Variants in FTO observed in about 807,000 individuals in gnomAD.
FTO encodes alpha-ketoglutarate-dependent dioxygenase FTO.
Under a neutral mutation model 63.9 loss-of-function variants are expected in FTO, and 47 were observed. That is an observed-to-expected ratio of 0.74 (90% CI 0.58 to 0.94). The LOEUF is 0.94. FTO is among the 40% of genes least tolerant of loss of function. The probability of loss-of-function intolerance (pLI) is 0.00; values close to 1 mark genes in which losing one functional copy is unlikely to be tolerated. For synonymous variants in FTO, 207 were observed against 224.4 expected, an observed-to-expected ratio of 0.92 and a Z score of 0.69; for missense variants, 562 against 618.1, an observed-to-expected ratio of 0.91 and a Z score of 0.96.
intron 5 of FTO, among the ~76,000 whole-genome samples, chr16:53,875,752 T>C (rs1249728836): frequency 1.3e-5 from 2 of 152,246 alleles, no homozygotes; most frequent in Admixed American, 6.5e-5. Context: ...GGTATTCTTG[T>C]AGGGACTTGT....
At chr16:53,778,754 A>T (rs1283476830) in intron 1 of FTO, among the ~76,000 whole-genome samples, 1 of 152,012 alleles carries the variant, frequency 6.6e-6, no homozygotes, top group Non-Finnish European at 1.5e-5. Context: ...CAGGGTCGGA[A>T]TTCCTGGGGC....
At chr16:53,835,311 G>A (rs7201255) in intron 3 of FTO, among the ~76,000 whole-genome samples, 40,217 of 152,042 alleles carry the variant, frequency 0.26, 5,721 homozygotes, top group African/African-American at 0.36. Flanking sequence ...AACTCCTCAC[G>A]TTCCTGCATC....
chr16:53,953,640 C>G (rs796159723), intron 8 of FTO, among the ~76,000 whole-genome samples: 3 of 152,148 alleles, frequency 2.0e-5, no homozygotes, highest in Non-Finnish European at 4.4e-5. Context: ...TCCATAACAA[C>G]TGCAAACTTT....
chr16:54,010,039 G>A (rs2084301361), intron 8 of FTO, among the ~76,000 whole-genome samples: 1 of 152,182 alleles, frequency 6.6e-6, no homozygotes, highest in Admixed American at 6.5e-5. Context: ...GGAACATTGA[G>A]CTAATGTAGC....
chr16:54,077,222 A>G (rs1208157313), intron 8 of FTO, among the ~76,000 whole-genome samples: 2 of 152,196 alleles, frequency 1.3e-5, no homozygotes, highest in Non-Finnish European at 2.9e-5. Context: ...TCACGTGGCC[A>G]TGTGATTTTA....
At chr16:54,041,231 A>G (rs1469576714) in intron 8 of FTO, among the ~76,000 whole-genome samples, 1 of 152,150 alleles carries the variant, frequency 6.6e-6, no homozygotes, top group Non-Finnish European at 1.5e-5. Flanking sequence ...AACTTACATC[A>G]TGGTGGAAGG....
At chr16:54,067,183 A>G (rs1469071940) in intron 8 of FTO, among the ~76,000 whole-genome samples, 1 of 150,154 alleles carries the variant, frequency 6.7e-6, no homozygotes, top group Non-Finnish European at 1.5e-5. Context: ...AAAAAAAAAA[A>G]CTTTGCCTAT....
intron 2 of FTO, among the ~76,000 whole-genome samples, chr16:53,821,157 C>T (rs975758401): frequency 6.6e-6 from 1 of 151,992 alleles, no homozygotes; most frequent in South Asian, 2.1e-4. Flanking sequence ...GGTGGGCAGG[C>T]GTTTGTGCAT....
intron 8 of FTO, among the ~76,000 whole-genome samples, chr16:54,090,072 A>G (rs1414267498): frequency 1.3e-5 from 2 of 152,182 alleles, no homozygotes; most frequent in Non-Finnish European, 2.9e-5. Context: ...TCAAACAGAT[A>G]CTGTGCATCA....
intron 1 of FTO, among the ~76,000 whole-genome samples, chr16:53,733,196 T>G (rs1352203471): frequency 6.6e-6 from 1 of 152,156 alleles, no homozygotes; most frequent in Non-Finnish European, 1.5e-5. Context: ...GGTCAGGAGT[T>G]CGAGACTAGC....
At chr16:53,733,725 C>G (rs767284843) in intron 1 of FTO, among the ~76,000 whole-genome samples, 6 of 152,162 alleles carry the variant, frequency 3.9e-5, no homozygotes, top group Non-Finnish European at 7.3e-5. Flanking sequence ...TTATATGTGA[C>G]ATTTCTAGGT....
intron 8 of FTO, among the ~76,000 whole-genome samples, chr16:54,011,303 C>T (rs1213624589): frequency 1.3e-5 from 2 of 152,176 alleles, no homozygotes; most frequent in African/African-American, 4.8e-5. Flanking sequence ...TTTCTGATGA[C>T]TTTCAGTTGC....
At chr16:53,743,243 G>C (rs1025036212) in intron 1 of FTO, among the ~76,000 whole-genome samples, 1 of 152,064 alleles carries the variant, frequency 6.6e-6, no homozygotes, top group African/African-American at 2.4e-5. Context: ...GCTTCACTGT[G>C]GTCGGAATGA....
intron 1 of FTO, among the ~76,000 whole-genome samples, chr16:53,756,087 C>T (rs2892469): frequency 0.39 from 59,179 of 151,984 alleles, 12,227 homozygotes; most frequent in Middle Eastern, 0.47. Flanking sequence ...GGTTCCTTTC[C>T]CCTTCTTTCA....
intron 8 of FTO, among the ~76,000 whole-genome samples, chr16:54,016,306 A>AAAC (rs2084446688): frequency 2.0e-5 from 2 of 101,900 alleles, no homozygotes; most frequent in South Asian, 3.7e-4. Flanking sequence ...AAAAAAAAAA[A>AAAC]AAAAAAAAAC....
intron 8 of FTO, among the ~76,000 whole-genome samples, chr16:54,032,798 G>A (rs571924934): frequency 6.6e-6 from 1 of 152,228 alleles, no homozygotes; most frequent in South Asian, 2.1e-4. Context: ...GGAGGTGTTT[G>A]GGTCCTGGGG....
chr16:54,089,724 T>A (rs968958261), intron 8 of FTO, among the ~76,000 whole-genome samples: 2 of 152,098 alleles, frequency 1.3e-5, no homozygotes, highest in Non-Finnish European at 2.9e-5. Context: ...GAGCGAAGGA[T>A]TTCATTAGAC....
At chr16:54,056,866 T>C (rs976743722) in intron 8 of FTO, among the ~76,000 whole-genome samples, 5 of 152,234 alleles carry the variant, frequency 3.3e-5, no homozygotes, top group Non-Finnish European at 7.3e-5. Context: ...GGAGGTAATT[T>C]GTTACCCGGC....
intron 1 of FTO, among the ~76,000 whole-genome samples, chr16:53,790,618 ACAGT>A (rs1049256383): frequency 2.0e-5 from 3 of 150,978 alleles, no homozygotes; most frequent in African/African-American, 7.3e-5. Context: ...CAGATTTAAG[ACAGT>A]CAGGAAAGAA....
Sources: allele counts gnomAD v4.1 joint callset (sites outside exome capture counted in the v4.1 genomes callset), GRCh38; gene constraint gnomAD v4.1.1; transcripts MANE v1.5; gene names NCBI Gene and HGNC (gene_info 2026-07-23, HGNC 2026-07-21).